LRRC7: variants seen among roughly 807,000 people sequenced by gnomAD.
The protein encoded by LRRC7 is leucine rich repeat containing 7.
LRRC7 carries 23 observed loss-of-function variants against 175.7 expected under a neutral mutation model. The observed-to-expected ratio is 0.13, with a 90% CI of 0.09 to 0.19. The LOEUF is 0.19. LRRC7 is among the 10% of genes least tolerant of loss of function. LRRC7 has a pLI of 1.00. For missense variants in LRRC7, 1,354 were observed against 1,904.7 expected (o/e 0.71, Z 5.38); for synonymous variants, 685 against 680.9 (o/e 1.01, Z -0.09).
intron 7 of LRRC7, among the ~76,000 whole-genome samples, chr1:69,861,483 G>A (rs1416532731): frequency 6.6e-6 from 1 of 152,154 alleles, no homozygotes; most frequent in Admixed American, 6.5e-5. Flanking sequence ...AAGAGTAACA[G>A]ATTCAATCTA....
intron 1 of LRRC7, among the ~76,000 whole-genome samples, chr1:69,662,130 G>A (rs535213166): frequency 1.6e-4 from 24 of 152,034 alleles, no homozygotes; most frequent in African/African-American, 2.2e-4. Flanking sequence ...TAATTTCTTC[G>A]TCTCTAAAAG....
chr1:69,823,589 T>A (rs1354588512), intron 4 of LRRC7, among the ~76,000 whole-genome samples: 2 of 152,120 alleles, frequency 1.3e-5, no homozygotes, highest in Admixed American at 1.3e-4. Flanking sequence ...AATGTATATA[T>A]TCACAGTATA....
At chr1:70,092,625 A>G (rs1366657019) in intron 25 of LRRC7, among the ~76,000 whole-genome samples, 1 of 152,144 alleles carries the variant, frequency 6.6e-6, no homozygotes, top group African/African-American at 2.4e-5. Context: ...GATAGCATCC[A>G]AAACGATTAC....
intron 1 of LRRC7, among the ~76,000 whole-genome samples, chr1:69,613,501 G>A (rs976712943): frequency 6.6e-6 from 1 of 151,956 alleles, no homozygotes; most frequent in Non-Finnish European, 1.5e-5. Flanking sequence ...TGTATGAGGT[G>A]CCTCTCAAAT....
chr1:69,869,067 A>G (rs1353004792), intron 7 of LRRC7, among the ~76,000 whole-genome samples: 3 of 152,082 alleles, frequency 2.0e-5, no homozygotes, highest in Non-Finnish European at 2.9e-5. Context: ...GGCACCAGGA[A>G]TTGAAATTTC....
Position 69,834,880 on chromosome 1 carries a change from G to A in LRRC7, c.590+11G>A, listed in dbSNP as rs1680931718. The A allele has an allele frequency of 6.2e-7, 1 of 1,603,286 alleles. No individual in the cohort carries two copies. Among genetic ancestry groups the A allele is most frequent in the South Asian group, 1.1e-5 (1 of 90,806 alleles). ...AGCCAATTTTGGAAGGTAAGAATAAGAAATTTAAATTATGCAATTATATCT... is the reference window on the plus strand; with the variant it reads ...AGCCAATTTTGGAAGGTAAGAATAAAAAATTTAAATTATGCAATTATATCT... On this transcript the variant is annotated intron_variant, in intron 6 of 26. Transcript: ENST00000651989.
chr1:69,663,270 G>C (rs931124090), intron 1 of LRRC7, among the ~76,000 whole-genome samples: 4 of 116,192 alleles, frequency 3.4e-5, no homozygotes, highest in African/African-American at 1.1e-4. Context: ...ATGTGCTGTA[G>C]TATGTAATAC....
chr1:69,897,862 G>A (rs1646023791), intron 7 of LRRC7, among the ~76,000 whole-genome samples: 1 of 152,116 alleles, frequency 6.6e-6, no homozygotes, highest in African/African-American at 2.4e-5. Flanking sequence ...TTTTTATTCT[G>A]GGGAAACTTC....
chr1:69,893,093 T>G (rs2101648347), intron 7 of LRRC7, among the ~76,000 whole-genome samples: 1 of 152,318 alleles, frequency 6.6e-6, no homozygotes, highest in African/African-American at 2.4e-5. Flanking sequence ...TTTTGGGTTC[T>G]TGAATCACAG....
chr1:69,709,553 A>G (rs558435983), intron 2 of LRRC7, among the ~76,000 whole-genome samples: 1 of 152,306 alleles, frequency 6.6e-6, no homozygotes, highest in East Asian at 1.9e-4. Flanking sequence ...TGCCTAGCAA[A>G]TGAAGCTCTT....
intron 11 of LRRC7, among the ~76,000 whole-genome samples, chr1:70,000,059 G>A (rs1452878902): frequency 1.3e-5 from 2 of 152,092 alleles, no homozygotes; most frequent in African/African-American, 2.4e-5. Context: ...ACTTGCCTTC[G>A]AAGACACAAA....
intron 7 of LRRC7, among the ~76,000 whole-genome samples, chr1:69,906,189 T>G (rs889242188): frequency 2.6e-5 from 4 of 152,180 alleles, no homozygotes; most frequent in Non-Finnish European, 4.4e-5. Flanking sequence ...TTGCAAAATT[T>G]TTTCTCCCAT....
rs1216319695 is a variant in LRRC7, at chr1:70,132,612, C to T, written c.*10725C>T. ...TCAGCCTCCCGAGTAGCTGGGATTA[C>T]AGGCGCCTGCCACTGCACCCGGCTA... On this transcript the variant is annotated 3_prime_UTR_variant, in exon 27 of 27. Coordinates refer to ENST00000651989, the MANE Select transcript of LRRC7 (RefSeq NM_001370785.2). Among the ~76,000 whole-genome samples the T allele has an allele frequency of 4.0e-5, 6 of 151,870 alleles. No homozygotes were observed. The highest frequency in any genetic ancestry group is 8.8e-5 in the Non-Finnish European group (6 of 67,946).
intron 4 of LRRC7, among the ~76,000 whole-genome samples, chr1:69,807,843 T>C (rs955601078): frequency 6.6e-6 from 1 of 152,010 alleles, no homozygotes; most frequent in Non-Finnish European, 1.5e-5. Context: ...AATGTTGGCC[T>C]GTCTTGCTAG....
At chr1:69,854,714 C>A (rs1449951141) in intron 7 of LRRC7, among the ~76,000 whole-genome samples, 3 of 152,086 alleles carry the variant, frequency 2.0e-5, no homozygotes, top group Admixed American at 6.6e-5. Flanking sequence ...GTTAGATGAG[C>A]TGTTCCAACA....
rs146321535 is a variant in LRRC7, at chr1:70,038,986, A to G, written c.3162A>G (p.Pro1054=). Residue 1054 remains proline (P), a synonymous_variant, in exon 21 of 27, where the codon CCA becomes CCG. Coordinates refer to ENST00000651989, the MANE Select transcript of LRRC7 (RefSeq NM_001370785.2). ...TCACCTACGGAAGTAGTAAGGGGCC[A>G]CAACAACAAAAAGCTTCTATGACAA... is the stretch of plus-strand genomic sequence containing the variant. The part of the protein sequence containing the change: ...EMLTYGSSKG[P]QQQKASMTKK... 6 of 1,613,928 alleles carry G rather than the reference A, an allele frequency of 3.7e-6. No individual in the cohort carries two copies. The African/African-American group carries it at 5.3e-5, about 14-fold the overall frequency.
chr1:69,791,969 T>C, intron 3 of LRRC7, 74 bp from the exon 4 acceptor site: 1 of 988,574 alleles, frequency 1.0e-6, no homozygotes, highest in East Asian at 2.4e-5. Context: ...ACATGGTGAC[T>C]TTAATTTTGT....
At chr1:69,981,138 G>GA (rs147375646) in intron 9 of LRRC7, among the ~76,000 whole-genome samples, 7,108 of 152,224 alleles carry the variant, frequency 0.047, 174 homozygotes, top group South Asian at 0.1. Flanking sequence ...CCAAGAGAGA[G>GA]AGACAGCGAG....
intron 7 of LRRC7, among the ~76,000 whole-genome samples, chr1:69,924,232 A>G (rs1314698647): frequency 6.6e-6 from 1 of 152,120 alleles, no homozygotes; most frequent in Non-Finnish European, 1.5e-5. Flanking sequence ...GAAGTCAGGT[A>G]GCATGATGCC....
Sources: gnomAD v4.1 joint callset for allele counts (sites outside exome capture counted in the v4.1 genomes callset) on GRCh38, gnomAD v4.1.1 for gene constraint, MANE v1.5 for transcripts, NCBI Gene and HGNC (gene_info 2026-07-23, HGNC 2026-07-21) for gene names.